The following CD3G variants were observed in gnomAD, a reference collection of about 807,000 sequenced individuals.
CD3G encodes CD3 gamma subunit of T-cell receptor complex.
Under a neutral mutation model 28.3 loss-of-function variants are expected in CD3G, and 24 were observed. The observed-to-expected ratio is 0.85, with a 90% CI of 0.61 to 1.19. The LOEUF is 1.19. Among genes scored for constraint, CD3G ranks in the 50% most tolerant of loss-of-function variants. The pLI, the probability that CD3G is intolerant of heterozygous loss-of-function variation, is 0.00. For missense variants in CD3G, 211 were observed against 210.0 expected, an observed-to-expected ratio of 1.00 and a Z score of -0.03; for synonymous variants, 71 against 75.9, an observed-to-expected ratio of 0.93 and a Z score of 0.34.
Position 118,350,613 on chromosome 11 carries a change from C to T in CD3G, c.369C>T (p.Ile123=), listed in dbSNP as rs769843997. The change falls in exon 4 of 7, where the codon ATC becomes ATT. Residue 123 remains isoleucine, a synonymous_variant. Coordinates refer to ENST00000532917, the MANE Select transcript of CD3G (RefSeq NM_000073.3). ...TATCTGGCTTTCTCTTTGCTGAAATCGTCAGCATTTTCGTCCTTGCTGTTG... is the reference window on the plus strand; with the variant it reads ...TATCTGGCTTTCTCTTTGCTGAAATTGTCAGCATTTTCGTCCTTGCTGTTG... ...ATISGFLFAE[I]VSIFVLAVGV... is the part of the protein sequence containing the mutation. 6.2e-6 allele frequency: 10 copies of T among 1,613,894 alleles called. No homozygotes were observed. In the African/African-American group the frequency reaches 1.2e-4, roughly 19 times the overall value.
At chr11:118,350,721 G>A (rs1338750773) in intron 4 of CD3G, 38 bp downstream of exon 4, 1 of 1,613,168 alleles carries the variant, frequency 6.2e-7, no homozygotes. Context: ...GGGACCACCT[G>A]AGACCCTCAG....
At chr11:118,346,007 C>G (rs900034368) in intron 1 of CD3G, among the ~76,000 whole-genome samples, 12 of 152,308 alleles carry the variant, frequency 7.9e-5, no homozygotes, top group African/African-American at 2.9e-4. Context: ...GGTGAGGTGG[C>G]TGCATATCAT....
At chr11:118,349,692 A>G (rs746485553) in intron 2 of CD3G, 51 bp from the exon 3 acceptor site, 1 of 1,353,682 alleles carries the variant, frequency 7.4e-7, no homozygotes, top group South Asian at 1.2e-5. Flanking sequence ...AGAAGCAGGG[A>G]GAATTTCAGA....
intron 4 of CD3G, chr11:118,350,904 C>CAA (rs978981914): frequency 1.2e-6 from 1 of 862,284 alleles, no homozygotes; most frequent in African/African-American, 2.0e-5. Flanking sequence ...AAAAAAAAAA[C>CAA]AAAAACAGGC....
Position 118,353,787 on chromosome 11 carries a change from TC to T in CD3G, c.*690del, listed in dbSNP as rs1343300658. On this transcript the variant is annotated 3_prime_UTR_variant, in exon 7 of 7. Coordinates refer to ENST00000532917, the MANE Select transcript of CD3G (RefSeq NM_000073.3). ...CTCAAGTGATCCGCCCGCCTCAGCC[TC>T]CCAAAGTGCTGGGATTACAGGTGTG... 6.6e-6 allele frequency: 1 copy of T among 152,198 alleles called. No individual in the cohort carries two copies. The highest frequency in any genetic ancestry group is 1.5e-5 in the Non-Finnish European group (1 of 68,110). 9.4% of individuals were successfully genotyped at this position (152,198 alleles called of 1,614,324 possible). A position where few individuals can be genotyped will look rare whatever the true frequency, so the allele number is the denominator to read the frequency against.
chr11:118,350,940 A>C (rs137996620), intron 4 of CD3G: 62,731 of 1,135,654 alleles, frequency 0.055, 2,675 homozygotes, highest in Non-Finnish European at 0.064. Context: ...TGTAATCACA[A>C]CACTTTGGGA....
Position 118,351,644 on chromosome 11 carries a change from T to C in CD3G, c.456T>C (p.Thr152=). The C allele has an allele frequency of 6.2e-7, 1 of 1,614,014 alleles. No homozygotes were observed. The highest frequency in any genetic ancestry group is 8.5e-7 in the Non-Finnish European group (1 of 1,179,960). The change falls in exon 5 of 7, where the codon ACT becomes ACC. Residue 152 remains threonine, a synonymous_variant. Transcript: ENST00000532917. ...VRQSRASDKQ[T]LLPNDQLYQP... ...TTTGTGCAGCTTCAGACAAGCAGAC[T>C]CTGTTGCCCAATGACCAGCTCTACC...
Position 118,354,747 on chromosome 11 carries a change from T to G in CD3G, c.*1647T>G, listed in dbSNP as rs1320527305. ...GCTGAGTGTCCTGTCTTGTGTTTAT[T>G]AACCATTCATATATTTTTAGTGAAA... On this transcript the variant is annotated 3_prime_UTR_variant, in exon 7 of 7. Coordinates refer to ENST00000532917, the MANE Select transcript of CD3G (RefSeq NM_000073.3). 1.3e-5 allele frequency: 2 copies of G among 152,192 alleles called. No homozygotes were observed. Among genetic ancestry groups the G allele is most frequent in the Non-Finnish European group, 2.9e-5 (2 of 68,040 alleles). The allele number at this position is 152,192 out of a possible 1,614,324, so 9.4% of individuals were successfully genotyped here. A position where few individuals can be genotyped will look rare whatever the true frequency, so the allele number is the denominator to read the frequency against.
intron 1 of CD3G, among the ~76,000 whole-genome samples, chr11:118,344,954 G>A (rs956008976): frequency 3.3e-5 from 5 of 152,240 alleles, no homozygotes; most frequent in African/African-American, 1.2e-4. Flanking sequence ...ATGCTCTACA[G>A]AACTCATAGT....
chr11:118,350,160 A>G (rs1341190486), intron 3 of CD3G, 190 bp downstream of exon 3: 2 of 617,780 alleles, frequency 3.2e-6, no homozygotes, highest in East Asian at 5.6e-5. Context: ...AACTACAGCC[A>G]GTCCTGTAAA....
At chr11:118,344,867 G>A (rs1265671532) in intron 1 of CD3G, among the ~76,000 whole-genome samples, 1 of 152,222 alleles carries the variant, frequency 6.6e-6, no homozygotes, top group East Asian at 1.9e-4. Flanking sequence ...TTGGGCAGTT[G>A]GCCAATTGGT....
chr11:118,347,084 T>C (rs1948363903), intron 1 of CD3G, among the ~76,000 whole-genome samples: 1 of 152,214 alleles, frequency 6.6e-6, no homozygotes, highest in Non-Finnish European at 1.5e-5. Context: ...CCGCCCTGCA[T>C]GAGGTTCTAA....
rs746947221 is a variant in CD3G at position 118,351,606 on chromosome 11, A to G, written c.440-22A>G. The G allele has an allele frequency of 6.2e-6, 10 of 1,613,308 alleles. No individual in the cohort carries two copies. In the South Asian group the frequency reaches 1.1e-4, roughly 18 times the overall value. On this transcript the variant is annotated intron_variant, in intron 4 of 6. Transcript: ENST00000532917. ...TTATTATGCATTCTACCTTGTGTGG[A>G]TTCTGTTTCTTTTTTGTGCAGCTTC...
At position 118,350,577 on chromosome 11, in the gene CD3G, T is replaced by C. The variant is rs1402378978; in HGVS notation, c.333T>C (p.Asn111=). 1.9e-6 allele frequency: 3 copies of C among 1,613,960 alleles called. No individual in the cohort carries two copies. The African/African-American group carries it at 4.0e-5, about 22-fold the overall frequency. Residue 111 remains asparagine, a synonymous_variant, in exon 4 of 7, where the codon AAT becomes AAC. Transcript: ENST00000532917. ...TGTGTCAGAACTGCATTGAACTAAA[T>C]GCAGCCACCATATCTGGCTTTCTCT... The part of the protein sequence containing the change: ...YRMCQNCIEL[N]AATISGFLFA...
chr11:118,349,568 A>G, intron 2 of CD3G, 175 bp from the exon 3 acceptor site: 1 of 669,152 alleles, frequency 1.5e-6, no homozygotes, highest in Admixed American at 2.5e-5. Context: ...AGTAATGCAG[A>G]ATCTCCCCTC....
At position 118,351,652 on chromosome 11, in the gene CD3G, C is replaced by A; in HGVS notation, c.464C>A (p.Pro155His). Residue 155 changes from proline to histidine, a missense_variant, in exon 5 of 7, where the codon CCC (proline) becomes CAC (histidine). Transcript: ENST00000532917. ...GCTTCAGACAAGCAGACTCTGTTGC[C>A]CAATGACCAGCTCTACCAGGTAAGG... is the stretch of plus-strand genomic sequence containing the variant. Reference protein sequence around the residue: ...SRASDKQTLLPNDQLYQPLKD... With the variant: ...SRASDKQTLLHNDQLYQPLKD... 1 of 1,613,804 alleles carries A rather than the reference C, an allele frequency of 6.2e-7. No individual in the cohort carries two copies. The highest frequency in any genetic ancestry group is 1.1e-5 in the South Asian group (1 of 91,050).
At chr11:118,348,466 C>A (rs1948376153) in intron 1 of CD3G, among the ~76,000 whole-genome samples, 1 of 152,182 alleles carries the variant, frequency 6.6e-6, no homozygotes, top group Admixed American at 6.5e-5. Context: ...CGTGCCCTCT[C>A]CCCGTGGAAT....
rs566420322 is a variant in CD3G, at chr11:118,350,058, T to C, written c.307+88T>C. ...TTTTTATCTGGGGTGAAAGTGGAAA[T>C]AGATCCTCAACAGTAATATTATCGC... On this transcript the variant is annotated intron_variant, in intron 3 of 6. Transcript: ENST00000532917. The C allele has an allele frequency of 3.3e-5, 32 of 967,016 alleles. No individual in the cohort carries two copies. In the South Asian group the frequency reaches 4.0e-4, roughly 12 times the overall value. The allele number at this position is 967,016 out of a possible 1,614,324, so 59.9% of individuals were successfully genotyped here.
chr11:118,348,939 C>A, intron 1 of CD3G, 88 bp from the exon 2 acceptor site: 1 of 1,434,360 alleles, frequency 7.0e-7, no homozygotes, highest in Non-Finnish European at 9.8e-7. Context: ...CTTTCTTCAT[C>A]TTGGCCTCAA....
Sources: gnomAD v4.1 joint callset for allele counts (sites outside exome capture counted in the v4.1 genomes callset) on GRCh38, gnomAD v4.1.1 for gene constraint, MANE v1.5 for transcripts, NCBI Gene and HGNC (gene_info 2026-07-23, HGNC 2026-07-21) for gene names.